Variants in ASXL3 observed in about 807,000 individuals in gnomAD.
ASXL3 encodes ASXL transcriptional regulator 3.
Under a neutral mutation model 170.6 loss-of-function variants are expected in ASXL3, and 34 were observed. The observed-to-expected ratio is 0.20, with a 90% CI of 0.15 to 0.27. ASXL3 has a LOEUF of 0.27. Ranked by LOEUF, ASXL3 falls within the 10% of genes least tolerant of loss-of-function variation. ASXL3 has a pLI of 1.00. For synonymous variants in ASXL3, 1,002 were observed against 989.1 expected (o/e 1.01, Z -0.24); for missense variants, 2,592 against 2,695.3 (o/e 0.96, Z 0.85).
At position 33,740,084 on chromosome 18, in the gene ASXL3, G is replaced by A. The variant is rs1453926384; in HGVS notation, c.2680G>A (p.Gly894Arg). 7 of 1,613,744 alleles carry A rather than the reference G, an allele frequency of 4.3e-6. No homozygotes were observed. Among genetic ancestry groups the A allele is most frequent in the Non-Finnish European group, 5.9e-6 (7 of 1,179,856 alleles). The change falls in exon 11 of 12, where the codon GGA becomes AGA. Residue 894 changes from glycine to arginine, a missense_variant. Physicochemically the swap from Gly to Arg is moderately radical, Grantham distance 125 (BLOSUM62 -2). Transcript: ENST00000269197. ...CTTTTCTGAAGGGACAGATAATAAG[G>A]GAAATGAGCTTCCATCTGCTAAATT... ...SVFSEGTDNK[G>R]NELPSAKLQD...
chr18:33,746,041 A>G lies in ASXL3; in HGVS notation c.6193A>G (p.Lys2065Glu), dbSNP rs776301741. ...ACCTCCAGTTACCATGGAAACCACT[A>G]AGAGACTTAGTTGGCCACAGTCCAC... ...KQPPVTMETT[K>E]RLSWPQSTGI... Residue 2065 changes from lysine to glutamate, a missense_variant, in exon 12 of 12, where the codon AAG becomes GAG. Physicochemically the swap from Lys to Glu is moderately conservative, Grantham distance 56 (BLOSUM62 1). Around this residue, in one of 4 missense-constraint regions of ASXL3, gnomAD observed 2,246 missense variants for 2,219.6 expected, o/e 1.01. Transcript: ENST00000269197. The G allele has an allele frequency of 3.7e-6, 6 of 1,612,504 alleles. No homozygotes were observed. The Admixed American group carries it at 6.7e-5, about 18-fold the overall frequency.
At position 33,734,332 on chromosome 18, in the gene ASXL3, G is replaced by A. The variant is rs759048679; in HGVS notation, c.999G>A (p.Gln333=). ...TAGGAGAGTTTACCCCAGAAATGCAGTTGCGGATAAGGCAAGAAATTGAGA... is the reference window on the plus strand; with the variant it reads ...TAGGAGAGTTTACCCCAGAAATGCAATTGCGGATAAGGCAAGAAATTGAGA... ...LAEGEFTPEM[Q]LRIRQEIEKE... The change falls in exon 10 of 12, where the codon CAG becomes CAA. Residue 333 remains glutamine (Q), a synonymous_variant. Transcript: ENST00000269197. The A allele has an allele frequency of 4.4e-6, 7 of 1,604,968 alleles. No homozygotes were observed. In the Middle Eastern group the frequency reaches 1.0e-3, roughly 229 times the overall value.
chr18:33,738,538 C>T lies in ASXL3; in HGVS notation c.1134C>T (p.Asn378=), dbSNP rs576539672. ...ESVKLTTGPN[N]AGAQSSSSCG... is the part of the protein sequence containing the mutation. The stretch of plus-strand genomic sequence containing the variant: ...TGAAGCTCACTACTGGACCAAACAA[C>T]GCTGGAGCTCAAAGTAGTTCTTCAT... Residue 378 remains asparagine (N), a synonymous_variant, in exon 11 of 12, where the codon AAC becomes AAT. Transcript: ENST00000269197. The T allele has an allele frequency of 3.2e-5, 52 of 1,613,646 alleles. No individual in the cohort carries two copies. Among genetic ancestry groups the T allele is most frequent in the African/African-American group, 9.3e-5 (7 of 75,038 alleles).
chr18:33,722,623 C>T (rs1442852705), intron 8 of ASXL3, among the ~76,000 whole-genome samples: 1 of 152,090 alleles, frequency 6.6e-6, no homozygotes, highest in African/African-American at 2.4e-5. Flanking sequence ...GGAAAGAAGC[C>T]ATCTCTATAA....
In ASXL3 at chr18:33,661,596, T is replaced by C. The variant is rs762305872; in HGVS notation, c.356-20T>C. On this transcript the variant is annotated intron_variant, in intron 4 of 11. Coordinates refer to ENST00000269197, the MANE Select transcript of ASXL3 (RefSeq NM_030632.3). ...AAAGGAATTCAAATTAGTAATATCATTATCTCTCTCTGTTTCTAGTTTGTT... is the reference window on the plus strand; with the variant it reads ...AAAGGAATTCAAATTAGTAATATCACTATCTCTCTCTGTTTCTAGTTTGTT... 5.0e-6 allele frequency: 8 copies of C among 1,595,124 alleles called. No homozygotes were observed. Among genetic ancestry groups the C allele is most frequent in the Non-Finnish European group, 6.8e-6 (8 of 1,169,634 alleles).
chr18:33,701,723 A>G (rs1340500419), intron 8 of ASXL3, among the ~76,000 whole-genome samples: 2 of 152,040 alleles, frequency 1.3e-5, no homozygotes, highest in Non-Finnish European at 2.9e-5. Context: ...CTTTGCATTT[A>G]TCCTACTTAA....
At chr18:33,607,748 T>C (rs1170453040) in intron 2 of ASXL3, 72 bp downstream of exon 2, 16 of 1,119,916 alleles carry the variant, frequency 1.4e-5, no homozygotes, top group Non-Finnish European at 2.1e-5. Flanking sequence ...AAGCGATAGG[T>C]GTATCTAGAT....
chr18:33,706,763 T>C (rs12458490), intron 8 of ASXL3, among the ~76,000 whole-genome samples: 106,660 of 151,614 alleles, frequency 0.7, 39,150 homozygotes, highest in East Asian at 0.98. Context: ...TATCTTCTTA[T>C]GTTGTGGTTT....
intron 7 of ASXL3, among the ~76,000 whole-genome samples, chr18:33,673,989 C>T (rs574360711): frequency 6.6e-6 from 1 of 152,218 alleles, no homozygotes; most frequent in African/African-American, 2.4e-5. Flanking sequence ...ATTCACTGGC[C>T]ATATATAATG....
Position 33,743,169 on chromosome 18 carries a change from G to A in ASXL3, c.3321G>A (p.Lys1107=), listed in dbSNP as rs1422325954. ...RTLAHIKEQT[K]AKLFAKHQAR... is the part of the protein sequence containing the mutation. The stretch of plus-strand genomic sequence containing the variant: ...TGGCACACATCAAAGAGCAGACAAA[G>A]GCTAAGCTCTTTGCAAAGCATCAAG... The change falls in exon 12 of 12, where the codon AAG becomes AAA. Residue 1107 remains lysine, a synonymous_variant. Coordinates refer to ENST00000269197, the MANE Select transcript of ASXL3 (RefSeq NM_030632.3). 1 of 1,613,900 alleles carries A rather than the reference G, an allele frequency of 6.2e-7. No individual in the cohort carries two copies. Among genetic ancestry groups the A allele is most frequent in the Admixed American group, 1.7e-5 (1 of 60,016 alleles).
At position 33,618,655 on chromosome 18, in the gene ASXL3, G is replaced by T. The variant is rs74649848; in HGVS notation, c.137+10979G>T. ...TCTTGAGACTGTAGAAGTTGTGGGG[G>T]TTAATAGATGAATAAAATACCATTT... On this transcript the variant is annotated intron_variant, in intron 2 of 11. Transcript: ENST00000269197. 7.4e-3 allele frequency among the ~76,000 whole-genome samples: 1,123 copies of T among 152,142 alleles called. 17 individuals carry two copies. Among genetic ancestry groups the T allele is most frequent in the African/African-American group, 0.026 (1,074 of 41,540 alleles).
At chr18:33,604,449 G>GA (rs76239246) in intron 1 of ASXL3, among the ~76,000 whole-genome samples, 13,690 of 151,950 alleles carry the variant, frequency 0.09, 705 homozygotes, top group African/African-American at 0.12. Context: ...ATTTCATCTG[G>GA]AAAAATAAAG....
At position 33,740,143 on chromosome 18, in the gene ASXL3, G is replaced by A; in HGVS notation, c.2739G>A (p.Lys913=). ...QDKQYISSVD[K]APFSEGSRNK... ...AGCAATATATCTCATCAGTGGATAA[G>A]GCTCCATTTTCAGAAGGCTCTAGAA... The change falls in exon 11 of 12, where the codon AAG becomes AAA. Residue 913 remains lysine, a synonymous_variant. Coordinates refer to ENST00000269197, the MANE Select transcript of ASXL3 (RefSeq NM_030632.3). 1 of 1,613,900 alleles carries A rather than the reference G, an allele frequency of 6.2e-7. No individual in the cohort carries two copies. The highest frequency in any genetic ancestry group is 8.5e-7 in the Non-Finnish European group (1 of 1,179,856).
chr18:33,673,321 G>A (rs1358413307), intron 7 of ASXL3, among the ~76,000 whole-genome samples: 1 of 151,504 alleles, frequency 6.6e-6, no homozygotes, highest in East Asian at 1.9e-4. Flanking sequence ...AGGAGCGAAA[G>A]TTACTAAGGT....
rs755213183 is a variant in ASXL3 at position 33,683,587 on chromosome 18, CAT to C, written c.879+20_879+21del. 1.3e-6 allele frequency: 2 copies of C among 1,595,460 alleles called. No homozygotes were observed. Among genetic ancestry groups the C allele is most frequent in the Non-Finnish European group, 1.7e-6 (2 of 1,169,690 alleles). The stretch of plus-strand genomic sequence containing the variant: ...TAGGCAGGTAAGTAGAAGTTTTAGA[CAT>C]TTGATACCAGCCACTAGTTATATTA... On this transcript the variant is annotated intron_variant, in intron 8 of 11. Transcript: ENST00000269197.
intron 1 of ASXL3, among the ~76,000 whole-genome samples, chr18:33,599,314 C>G (rs967708340): frequency 1.3e-5 from 2 of 152,212 alleles, no homozygotes; most frequent in South Asian, 4.1e-4. Flanking sequence ...TTGTAAAACT[C>G]ATTCATAAGT....
At chr18:33,661,773 T>A (rs998279281) in intron 5 of ASXL3, 36 bp downstream of exon 5, 1 of 1,598,992 alleles carries the variant, frequency 6.3e-7, no homozygotes, top group Non-Finnish European at 8.5e-7. Context: ...GTCCTTCAGT[T>A]CTGCATACTT....
intron 8 of ASXL3, among the ~76,000 whole-genome samples, chr18:33,709,046 G>C (rs868493682): frequency 1.3e-5 from 2 of 152,072 alleles, no homozygotes. Flanking sequence ...AGCTTCATTA[G>C]TCATCAAGTA....
At chr18:33,592,299 T>C (rs1288033812) in intron 1 of ASXL3, among the ~76,000 whole-genome samples, 1 of 152,220 alleles carries the variant, frequency 6.6e-6, no homozygotes, top group African/African-American at 2.4e-5. Flanking sequence ...AGTCTTTAAG[T>C]TATTTAAATA....
Sources: gnomAD v4.1 joint callset for allele counts (sites outside exome capture counted in the v4.1 genomes callset) on GRCh38, gnomAD v4.1.1 for gene constraint, gnomAD v4.1.1 regional missense constraint, MANE v1.5 for transcripts, NCBI Gene and HGNC (gene_info 2026-07-23, HGNC 2026-07-21) for gene names.